Variants in CAPN8 observed in about 807,000 individuals in gnomAD.
CAPN8 encodes the protein calpain 8.
Under a neutral mutation model 80.9 loss-of-function variants are expected in CAPN8, and 87 were observed. The observed-to-expected ratio is 1.07, with a 90% CI of 0.90 to 1.28. The LOEUF (loss-of-function observed/expected upper bound fraction) is 1.28, where lower values mean the gene tolerates loss of function less well. CAPN8 is among the 50% of genes most tolerant of loss of function. CAPN8 has a pLI of 0.00. For synonymous variants in CAPN8, 299 were observed against 273.8 expected, an observed-to-expected ratio of 1.09 and a Z score of -0.91; for missense variants, 757 against 702.0, an observed-to-expected ratio of 1.08 and a Z score of -0.89.
At chr1:223,549,232 C>T in intron 16 of CAPN8, 86 bp downstream of exon 16, 2 of 1,511,046 alleles carry the variant, frequency 1.3e-6, no homozygotes, top group Non-Finnish European at 1.8e-6. Flanking sequence ...TTACCCGTCC[C>T]TTCCTTCTAA....
chr1:223,543,055 A>C, intron 20 of CAPN8, 53 bp downstream of exon 20: 1 of 1,547,746 alleles, frequency 6.5e-7, no homozygotes, highest in Non-Finnish European at 8.7e-7. Flanking sequence ...TACATGGTCC[A>C]AGAATTTCAG....
chr1:223,640,451 G>A lies in CAPN8; in HGVS notation c.308-11671C>T, dbSNP rs75229886. On this transcript the variant is annotated intron_variant, in intron 2 of 20. Transcript: ENST00000366872. ...GGTGTCCTTCCCTATCCACCCCTCTGTTTGGTATAGGACTCAGGACTGCTA... is the reference window on the plus strand; with the variant it reads ...GGTGTCCTTCCCTATCCACCCCTCTATTTGGTATAGGACTCAGGACTGCTA... Among the ~76,000 whole-genome samples the A allele has an allele frequency of 2.0e-5, 3 of 152,228 alleles. No homozygotes were observed. The East Asian group carries it at 5.8e-4, about 29-fold the overall frequency.
rs4072247 is a variant in CAPN8 at position 223,543,146 on chromosome 1, C to T, written c.2050G>A (p.Glu684Lys). The T allele has an allele frequency of 0.11, 162,881 of 1,551,050 alleles. 9,025 individuals carry two copies. The highest frequency in any genetic ancestry group is 0.11 in the Non-Finnish European group (131,306 of 1,146,564). ...AGCTGAACCATGCCATCCTTGTCTTCGTCCAGAAGGCTGAATAGTTCTAAA... is the reference window on the plus strand; with the variant it reads ...AGCTGAACCATGCCATCCTTGTCTTTGTCCAGAAGGCTGAATAGTTCTAAA... ...TLFKLFSLLD[E>K]DKDGMVQLSL... Residue 684 changes from glutamate to lysine, a missense_variant, in exon 20 of 21, where the codon GAA becomes AAA. Physicochemically the swap from Glu to Lys is moderately conservative, Grantham distance 56 (BLOSUM62 1). Coordinates refer to ENST00000366872, the MANE Select transcript of CAPN8 (RefSeq NM_001143962.2).
chr1:223,625,186 C>T (rs61825182), intron 6 of CAPN8, among the ~76,000 whole-genome samples: 3,750 of 152,308 alleles, frequency 0.025, 52 homozygotes, highest in Non-Finnish European at 0.038. Context: ...ACATGCCTTT[C>T]CATGACTCTA....
rs1420269431 is a variant in CAPN8, at chr1:223,555,292, G to C, written c.1573-1392C>G. Among the ~76,000 whole-genome samples, 3 of 152,278 alleles carry C rather than the reference G, an allele frequency of 2.0e-5. No homozygotes were observed. In the East Asian group the frequency reaches 5.8e-4, roughly 29 times the overall value. ...GATCACACAGCTAGTAAACAGTGAA[G>C]CCAGGATTAAACTCCAGCCCATGCA... On this transcript the variant is annotated intron_variant, in intron 13 of 20. Transcript: ENST00000366872.
At chr1:223,625,647 G>A (rs1456200814) in intron 6 of CAPN8, among the ~76,000 whole-genome samples, 158 bp downstream of exon 6, 1 of 152,044 alleles carries the variant, frequency 6.6e-6, no homozygotes, top group Non-Finnish European at 1.5e-5. Flanking sequence ...TGGTGTCAGG[G>A]GTTCTGTACA....
intron 2 of CAPN8, 67 bp from the exon 3 acceptor site, chr1:223,628,847 C>T (rs1294417595): frequency 7.8e-7 from 1 of 1,289,542 alleles, no homozygotes; most frequent in Non-Finnish European, 1.1e-6. Flanking sequence ...TTTCTCTGAC[C>T]CTGTCCCATT....
intron 1 of CAPN8, among the ~76,000 whole-genome samples, chr1:223,661,455 C>T (rs1043426576): frequency 7.9e-5 from 12 of 152,124 alleles, no homozygotes; most frequent in Non-Finnish European, 1.8e-4. Flanking sequence ...CATGGCAAAA[C>T]CCTGTCTCTA....
intron 1 of CAPN8, among the ~76,000 whole-genome samples, chr1:223,656,580 G>C (rs543070337): frequency 4.2e-4 from 64 of 151,594 alleles, no homozygotes; most frequent in Admixed American, 3.7e-3. Flanking sequence ...TTCCGCCTCA[G>C]AGTCCGCACT....
chr1:223,626,734 C>T (rs1165294833), intron 5 of CAPN8, among the ~76,000 whole-genome samples: 1 of 152,204 alleles, frequency 6.6e-6, no homozygotes, highest in African/African-American at 2.4e-5. Flanking sequence ...TCCAGCAGTA[C>T]TGAAGGGGCT....
chr1:223,640,519 C>T (rs1658016300), intron 2 of CAPN8, among the ~76,000 whole-genome samples: 2 of 152,178 alleles, frequency 1.3e-5, no homozygotes, highest in Admixed American at 6.5e-5. Context: ...TTTCCCATCT[C>T]AGGCATCAGA....
intron 1 of CAPN8, among the ~76,000 whole-genome samples, chr1:223,661,608 TGACAA>T (rs1658647284): frequency 6.6e-6 from 1 of 151,848 alleles, no homozygotes; most frequent in Non-Finnish European, 1.5e-5. Flanking sequence ...CCGGCCTGGG[TGACAA>T]GACAAGAGTG....
At chr1:223,653,447 C>T (rs1168772586) in intron 2 of CAPN8, among the ~76,000 whole-genome samples, 1 of 151,716 alleles carries the variant, frequency 6.6e-6, no homozygotes, top group East Asian at 1.9e-4. Flanking sequence ...AAAGAGAAAA[C>T]CTCCTGAAAA....
Position 223,620,246 on chromosome 1 carries a change from A to C in CAPN8, c.920T>G (p.Ile307Arg). Residue 307 changes from isoleucine (I) to arginine (R), a missense_variant, in exon 8 of 21, where the codon ATA (isoleucine) becomes AGA (arginine). Physicochemically the swap from Ile to Arg is moderately conservative, Grantham distance 97. Transcript: ENST00000366872. Reference protein sequence around the residue: ...WSDDAPEWNHIDPRRKEELDK... With the variant: ...WSDDAPEWNHRDPRRKEELDK... ...CAGTTCTTCCTTCCGCCGGGGGTCT[A>C]TGTGATTCCACTCTGGTGCACTGAG... is the stretch of plus-strand genomic sequence containing the variant. 1 of 1,551,628 alleles carries C rather than the reference A, an allele frequency of 6.4e-7. No homozygotes were observed. The highest frequency in any genetic ancestry group is 8.7e-7 in the Non-Finnish European group (1 of 1,146,952).
At chr1:223,631,851 C>T (rs1657782865) in intron 2 of CAPN8, among the ~76,000 whole-genome samples, 2 of 152,164 alleles carry the variant, frequency 1.3e-5, no homozygotes, top group South Asian at 2.1e-4. Flanking sequence ...TGCTCTGCAA[C>T]ACCTCTAAAG....
In CAPN8 at chr1:223,549,303, A is replaced by G; in HGVS notation, c.1764+15T>C. The G allele has an allele frequency of 1.3e-6, 2 of 1,546,352 alleles. No homozygotes were observed. Among genetic ancestry groups the G allele is most frequent in the Non-Finnish European group, 1.7e-6 (2 of 1,145,156 alleles). ...AAAGTAAAAAAAAAAAAATAATGCA[A>G]CATTTAAAGGATACATCCAACAGAC... On this transcript the variant is annotated intron_variant, in intron 16 of 20. Coordinates refer to ENST00000366872, the MANE Select transcript of CAPN8 (RefSeq NM_001143962.2).
intron 14 of CAPN8, among the ~76,000 whole-genome samples, chr1:223,552,627 C>G (rs1265408645): frequency 1.3e-5 from 2 of 151,802 alleles, no homozygotes; most frequent in African/African-American, 4.8e-5. Flanking sequence ...AAGACTACCC[C>G]CATTAGCCTG....
At position 223,545,062 on chromosome 1, in the gene CAPN8, G is replaced by A. The variant is rs578046175; in HGVS notation, c.1833+169C>T. On this transcript the variant is annotated intron_variant, in intron 17 of 20. Coordinates refer to ENST00000366872, the MANE Select transcript of CAPN8 (RefSeq NM_001143962.2). ...GAACAGCAGGGCTTTCAGGGCAGTG[G>A]TTGGCATGAGAGTCTCTCATTGCCT... 39 of 1,391,300 alleles carry A rather than the reference G, an allele frequency of 2.8e-5. No homozygotes were observed. The South Asian group carries it at 4.9e-4, about 18-fold the overall frequency. The allele number at this position is 1,391,300 out of a possible 1,614,324, so 86.2% of individuals were successfully genotyped here.
At chr1:223,662,645 G>C (rs1229041205) in intron 1 of CAPN8, among the ~76,000 whole-genome samples, 1 of 152,084 alleles carries the variant, frequency 6.6e-6, no homozygotes, top group Non-Finnish European at 1.5e-5. Context: ...CATTTAGAAG[G>C]GGTTAAGATG....
Sources: gnomAD v4.1 joint callset for allele counts (sites outside exome capture counted in the v4.1 genomes callset) on GRCh38, gnomAD v4.1.1 for gene constraint, MANE v1.5 for transcripts, NCBI Gene and HGNC (gene_info 2026-07-23, HGNC 2026-07-21) for gene names.